METTL8: variants seen among roughly 807,000 people sequenced by gnomAD.
The protein encoded by METTL8 is tRNA N(3)-cytidine methyltransferase METTL8, mitochondrial.
A neutral mutation model predicts 48.7 loss-of-function variants in METTL8; 32 were observed. The observed-to-expected ratio is 0.66, with a 90% confidence interval of 0.50 to 0.88. METTL8 has a LOEUF of 0.88. Ranked by LOEUF, METTL8 falls within the 40% of genes least tolerant of loss-of-function variation. The pLI, the probability that METTL8 is intolerant of heterozygous loss-of-function variation, is 0.00. For synonymous variants in METTL8, 136 were observed against 157.1 expected (o/e 0.87, Z 1.01); for missense variants, 464 against 474.4 (o/e 0.98, Z 0.20).
chr2:171,431,665 C>T (rs2160849), intron 1 of METTL8, among the ~76,000 whole-genome samples: 19,431 of 152,224 alleles, frequency 0.13, 1,579 homozygotes, highest in Middle Eastern at 0.22. Flanking sequence ...GAGAGTAACA[C>T]GGTAGCTCTC....
In METTL8 at chr2:171,315,776, T is replaced by C. The variant is rs1393939065; in HGVS notation, c.*8396A>G. ...TAACTAGAATAAAATTTAATGTAAA[T>C]GTGCCAAAGAGGAGAAGAAATCACA... On this transcript the variant is annotated 3_prime_UTR_variant, in exon 10 of 10. Coordinates refer to ENST00000375258, the MANE Select transcript of METTL8 (RefSeq NM_001321154.2). 1.3e-5 allele frequency among the ~76,000 whole-genome samples: 2 copies of C among 152,212 alleles called. No homozygotes were observed. Among genetic ancestry groups the C allele is most frequent in the Non-Finnish European group, 2.9e-5 (2 of 68,034 alleles).
intron 2 of METTL8, among the ~76,000 whole-genome samples, chr2:171,382,738 A>T (rs1241256996): frequency 6.6e-6 from 1 of 152,094 alleles, no homozygotes; most frequent in African/African-American, 2.4e-5. Flanking sequence ...AAAAAGAAAG[A>T]AAAAAAGAAA....
intron 1 of METTL8, among the ~76,000 whole-genome samples, chr2:171,397,150 A>G (rs1040439540): frequency 6.6e-6 from 1 of 151,844 alleles, no homozygotes; most frequent in Non-Finnish European, 1.5e-5. Flanking sequence ...AGCTAGAAAA[A>G]TAAGAATAAA....
intron 1 of METTL8, among the ~76,000 whole-genome samples, chr2:171,410,842 C>T (rs1310405696): frequency 6.6e-6 from 1 of 152,160 alleles, no homozygotes; most frequent in East Asian, 1.9e-4. Context: ...CAGTCTTAAG[C>T]AGTCATACCT....
rs962892244 is a variant in METTL8 at position 171,339,453 on chromosome 2, C to T, written c.337G>A (p.Glu113Lys). ...DRNWLLREFP[E>K]ILPVDQKPEE... ...GGTTTTTGATCAACTGGAAGAATTT[C>T]AGGAAATTCCCTCAACAGCCAATTA... The change falls in exon 4 of 10, where the codon GAA (glutamate) becomes AAA (lysine). Residue 113 changes from glutamate to lysine, a missense_variant. Transcript: ENST00000375258. 1 of 1,613,576 alleles carries T rather than the reference C, an allele frequency of 6.2e-7. No homozygotes were observed. The highest frequency in any genetic ancestry group is 8.5e-7 in the Non-Finnish European group (1 of 1,179,726).
At chr2:171,329,491 ATT>A (rs1685304042) in intron 7 of METTL8, among the ~76,000 whole-genome samples, 1 of 152,216 alleles carries the variant, frequency 6.6e-6, no homozygotes, top group African/African-American at 2.4e-5. Flanking sequence ...ACAACTTTCT[ATT>A]AGTACCTGAA....
chr2:171,396,374 T>C (rs779843423), intron 1 of METTL8, among the ~76,000 whole-genome samples: 3 of 152,174 alleles, frequency 2.0e-5, no homozygotes, highest in Non-Finnish European at 4.4e-5. Context: ...TTTTGATGAA[T>C]TAACTTGTAT....
At chr2:171,377,852 A>G (rs1687129977) in intron 2 of METTL8, among the ~76,000 whole-genome samples, 1 of 152,236 alleles carries the variant, frequency 6.6e-6, no homozygotes, top group South Asian at 2.1e-4. Context: ...CAGAACTACC[A>G]TTTGATCCAG....
At chr2:171,364,220 C>A (rs1685495324) in intron 2 of METTL8, among the ~76,000 whole-genome samples, 1 of 152,082 alleles carries the variant, frequency 6.6e-6, no homozygotes, top group South Asian at 2.1e-4. Context: ...GGAGTAAGAA[C>A]AAACTATCTT....
At chr2:171,346,088 G>C (rs1687237959) in intron 3 of METTL8, among the ~76,000 whole-genome samples, 1 of 152,150 alleles carries the variant, frequency 6.6e-6, no homozygotes, top group Non-Finnish European at 1.5e-5. Flanking sequence ...GAGTGCAGTG[G>C]TGCAATCACA....
At chr2:171,371,867 TA>T (rs1686393481) in intron 2 of METTL8, among the ~76,000 whole-genome samples, 1 of 141,650 alleles carries the variant, frequency 7.1e-6, no homozygotes, top group Non-Finnish European at 1.5e-5. Flanking sequence ...TTATTATTAT[TA>T]TTGTAGAGAC....
At chr2:171,336,215 C>A (rs186987471) in intron 5 of METTL8, among the ~76,000 whole-genome samples, 1,872 of 152,084 alleles carry the variant, frequency 0.012, 27 homozygotes, top group Non-Finnish European at 0.02. Flanking sequence ...CCTGTCTCGG[C>A]CTCCCGAGTA....
chr2:171,319,261 A>G lies in METTL8; in HGVS notation c.*4911T>C, dbSNP rs1415571396. ...CAATGCACTTTCACAAGCGGGGAAAATACCCACGCCAACACTAAGTCTCCT... is the reference window on the plus strand; with the variant it reads ...CAATGCACTTTCACAAGCGGGGAAAGTACCCACGCCAACACTAAGTCTCCT... On this transcript the variant is annotated 3_prime_UTR_variant, in exon 10 of 10. Coordinates refer to ENST00000375258, the MANE Select transcript of METTL8 (RefSeq NM_001321154.2). The G allele has an allele frequency of 6.6e-6, 1 of 152,230 alleles. No homozygotes were observed. The allele number at this position is 152,230 out of a possible 1,614,324, so 9.4% of individuals were successfully genotyped here.
intron 1 of METTL8, among the ~76,000 whole-genome samples, chr2:171,426,667 T>C (rs1000518705): frequency 2.0e-5 from 3 of 152,272 alleles, no homozygotes; most frequent in Admixed American, 6.5e-5. Context: ...TGCATTAATA[T>C]ACTGTGTGTT....
chr2:171,422,822 G>A (rs190210591), intron 1 of METTL8, among the ~76,000 whole-genome samples: 12 of 152,288 alleles, frequency 7.9e-5, no homozygotes, highest in Admixed American at 2.0e-4. Flanking sequence ...TGCAGGCAAG[G>A]ATGTAAAGTA....
At chr2:171,434,552 C>A, upstream of METTL8, 1 of 1,524,832 alleles carries the variant, frequency 6.6e-7, no homozygotes, top group Non-Finnish European at 8.8e-7. Context: ...GCGGCCCAGC[C>A]TACCCAGGGC....
At chr2:171,369,110 A>G (rs1377674260) in intron 2 of METTL8, among the ~76,000 whole-genome samples, 3 of 151,954 alleles carry the variant, frequency 2.0e-5, no homozygotes, top group African/African-American at 7.3e-5. Context: ...TTGAGACCAT[A>G]CTGGCTAACA....
chr2:171,335,445 C>CAG (rs921486142), intron 5 of METTL8, among the ~76,000 whole-genome samples: 6 of 152,070 alleles, frequency 3.9e-5, no homozygotes, highest in African/African-American at 1.4e-4. Context: ...TTTTTTGAGA[C>CAG]AGAGTCTCTT....
chr2:171,368,167 T>C (rs947392893), intron 2 of METTL8, among the ~76,000 whole-genome samples: 1 of 152,236 alleles, frequency 6.6e-6, no homozygotes, highest in Non-Finnish European at 1.5e-5. Context: ...GTAAAAACTA[T>C]TAATTTTATG....
Sources: allele counts gnomAD v4.1 joint callset (sites outside exome capture counted in the v4.1 genomes callset), GRCh38; gene constraint gnomAD v4.1.1; transcripts MANE v1.5; gene names NCBI Gene and HGNC (gene_info 2026-07-23, HGNC 2026-07-21).